Variants in CTNNA3 observed in about 807,000 individuals in gnomAD.
The protein encoded by CTNNA3 is catenin alpha 3.
CTNNA3 carries 76 observed loss-of-function variants against 95.7 expected under a neutral mutation model. That is an observed-to-expected ratio of 0.79 (90% confidence interval 0.66 to 0.96). The LOEUF (loss-of-function observed/expected upper bound fraction) is 0.96, where lower values mean the gene tolerates loss of function less well. Ranked by LOEUF, CTNNA3 falls within the 40% of genes least tolerant of loss-of-function variation. The pLI is 0.00. For missense variants in CTNNA3, 1,191 were observed against 1,089.8 expected, an observed-to-expected ratio of 1.09 and a Z score of -1.31; for synonymous variants, 431 against 374.4, an observed-to-expected ratio of 1.15 and a Z score of -1.74.
intron 3 of CTNNA3, among the ~76,000 whole-genome samples, chr10:67,598,140 T>A (rs1020835889): frequency 2.0e-5 from 3 of 151,738 alleles, no homozygotes; most frequent in African/African-American, 7.3e-5. Context: ...CCTAGAGGAG[T>A]ATGGCAAGCC....
At chr10:66,470,549 G>A (rs1449882553) in intron 11 of CTNNA3, among the ~76,000 whole-genome samples, 1 of 151,944 alleles carries the variant, frequency 6.6e-6, no homozygotes, top group Non-Finnish European at 1.5e-5. Flanking sequence ...GCATTCTAAA[G>A]CAGTTATAAA....
rs768330893 is a variant in CTNNA3 at position 65,920,415 on chromosome 10, C to T, written c.2603G>A (p.Cys868Tyr). 1 of 1,614,184 alleles carries T rather than the reference C, an allele frequency of 6.2e-7. No homozygotes were observed. Among genetic ancestry groups the T allele is most frequent in the Non-Finnish European group, 8.5e-7 (1 of 1,180,014 alleles). Residue 868 changes from cysteine (C) to tyrosine (Y), a missense_variant, in exon 18 of 18, where the codon TGT becomes TAT. Coordinates refer to ENST00000433211, the MANE Select transcript of CTNNA3 (RefSeq NM_013266.4). Reference sequence around the variant, plus strand: ...TGCTGAGCCTCGTCTGACAGCTGCACACGTTTCCTCTGGCTTCTCTCTTTT... The same window carrying T: ...TGCTGAGCCTCGTCTGACAGCTGCATACGTTTCCTCTGGCTTCTCTCTTTT... Reference protein sequence around the residue: ...LIKREKPEETCAAVRRGSAKK... With the variant: ...LIKREKPEETYAAVRRGSAKK...
chr10:66,693,681 C>T (rs1466294807), intron 9 of CTNNA3, among the ~76,000 whole-genome samples: 3 of 152,032 alleles, frequency 2.0e-5, no homozygotes, highest in Non-Finnish European at 4.4e-5. Flanking sequence ...CCACACCACA[C>T]CTATTCCAAA....
intron 5 of CTNNA3, among the ~76,000 whole-genome samples, chr10:67,387,895 CA>C (rs1036999563): frequency 2.0e-5 from 3 of 152,264 alleles, no homozygotes; most frequent in African/African-American, 7.2e-5. Context: ...ACACCCACAC[CA>C]AAAACCCATC....
chr10:66,379,386 G>C (rs771660886), intron 11 of CTNNA3, 34 bp from the exon 12 acceptor site: 23 of 1,532,442 alleles, frequency 1.5e-5, no homozygotes, highest in Non-Finnish European at 1.9e-5. Flanking sequence ...GTTTTTGCGT[G>C]TGTCTGTGTT....
intron 9 of CTNNA3, among the ~76,000 whole-genome samples, chr10:66,725,898 C>T (rs1848767087): frequency 6.6e-6 from 1 of 152,058 alleles, no homozygotes; most frequent in Non-Finnish European, 1.5e-5. Flanking sequence ...TGGCCTAATA[C>T]TAGAGATATC....
At chr10:66,487,950 G>A (rs148672796) in intron 11 of CTNNA3, among the ~76,000 whole-genome samples, 16 of 152,214 alleles carry the variant, frequency 1.1e-4, no homozygotes, top group East Asian at 3.9e-4. Context: ...GGTAAGTGCC[G>A]TAAACCAACC....
chr10:66,747,160 A>G (rs896626947), intron 9 of CTNNA3, among the ~76,000 whole-genome samples: 2 of 152,202 alleles, frequency 1.3e-5, no homozygotes, highest in African/African-American at 2.4e-5. Flanking sequence ...ACTTTATTTC[A>G]CTTAAATGTT....
intron 10 of CTNNA3, among the ~76,000 whole-genome samples, chr10:66,538,359 A>T (rs1841731328): frequency 6.6e-6 from 1 of 152,166 alleles, no homozygotes; most frequent in African/African-American, 2.4e-5. Flanking sequence ...GGACTCAGCA[A>T]AGGCAGACTT....
Position 67,370,739 on chromosome 10 carries a change from CTG to C in CTNNA3, c.580-150871_580-150870del, listed in dbSNP as rs142680026. ...ATATTTTCTGTGGATAAGGAGAACTCTGTATTTGTGTGTATATGTACATATAA... is the reference window on the plus strand; with the variant it reads ...ATATTTTCTGTGGATAAGGAGAACTCTATTTGTGTGTATATGTACATATAA... On this transcript the variant is annotated intron_variant, in intron 5 of 17. Transcript: ENST00000433211. 1.4e-3 allele frequency among the ~76,000 whole-genome samples: 206 copies of C among 152,144 alleles called. 4 individuals are homozygous for C. The East Asian group carries it at 0.037, about 27-fold the overall frequency.
rs932800217 is a variant in CTNNA3, at chr10:67,541,814, C to A, written c.293-2145G>T. Among the ~76,000 whole-genome samples, 6 of 152,158 alleles carry A rather than the reference C, an allele frequency of 3.9e-5. No individual in the cohort carries two copies. In the South Asian group the frequency reaches 1.2e-3, roughly 32 times the overall value. ...TGCTATGAGACTGTGAAAAGTTAAA[C>A]TGACTTCCAGAATTTAGAGAGCAGA... On this transcript the variant is annotated intron_variant, in intron 3 of 17. Coordinates refer to ENST00000433211, the MANE Select transcript of CTNNA3 (RefSeq NM_013266.4).
chr10:67,154,198 A>C (rs555176346), intron 7 of CTNNA3, among the ~76,000 whole-genome samples: 2 of 152,352 alleles, frequency 1.3e-5, no homozygotes, highest in Admixed American at 1.3e-4. Context: ...TAAGAGTAAA[A>C]TGTTAGCATG....
At chr10:67,210,670 G>T (rs1864103675) in intron 6 of CTNNA3, among the ~76,000 whole-genome samples, 1 of 151,648 alleles carries the variant, frequency 6.6e-6, no homozygotes, top group South Asian at 2.1e-4. Flanking sequence ...CTATTTGAAA[G>T]ATATGCGTCC....
chr10:66,325,606 T>C (rs2092244809), intron 12 of CTNNA3, among the ~76,000 whole-genome samples: 1 of 152,126 alleles, frequency 6.6e-6, no homozygotes, highest in Non-Finnish European at 1.5e-5. Flanking sequence ...CTGAGGAAGA[T>C]GCTCACCTGT....
chr10:66,036,667 C>G (rs7905743), intron 15 of CTNNA3, among the ~76,000 whole-genome samples: 1 of 152,058 alleles, frequency 6.6e-6, no homozygotes, highest in Admixed American at 6.5e-5. Context: ...TGAGCCACCA[C>G]GTCCAGCTTG....
At chr10:66,288,927 C>T (rs973158636) in intron 12 of CTNNA3, among the ~76,000 whole-genome samples, 3 of 152,168 alleles carry the variant, frequency 2.0e-5, no homozygotes, top group African/African-American at 7.2e-5. Context: ...TATTGGTCAA[C>T]ATGTATCTTC....
At chr10:67,065,180 G>GA (rs1160233510) in intron 7 of CTNNA3, among the ~76,000 whole-genome samples, 2 of 151,818 alleles carry the variant, frequency 1.3e-5, no homozygotes, top group Non-Finnish European at 2.9e-5. Flanking sequence ...TTTTTTCCTA[G>GA]AAAAAAAGGG....
intron 13 of CTNNA3, among the ~76,000 whole-genome samples, chr10:66,177,559 T>C (rs894301504): frequency 4.6e-5 from 7 of 152,048 alleles, no homozygotes; most frequent in Non-Finnish European, 5.9e-5. Context: ...ATTTTGTTAA[T>C]GATTTTTTAA....
Position 67,387,570 on chromosome 10 carries a change from G to A in CTNNA3, c.579+134272C>T, listed in dbSNP as rs543726311. Among the ~76,000 whole-genome samples, 1,498 of 152,312 alleles carry A rather than the reference G, an allele frequency of 9.8e-3. 11 individuals carry two copies. Among genetic ancestry groups the A allele is most frequent in the African/African-American group, 0.035 (1,439 of 41,574 alleles). On this transcript the variant is annotated intron_variant, in intron 5 of 17. Coordinates refer to ENST00000433211, the MANE Select transcript of CTNNA3 (RefSeq NM_013266.4). The stretch of plus-strand genomic sequence containing the variant: ...GGTGGAGCCCACCACAGCTCAAGGA[G>A]GCCTGCCTGCCTCTGTAGGCTCCAC...
Sources: gnomAD v4.1 joint callset for allele counts (sites outside exome capture counted in the v4.1 genomes callset) on GRCh38, gnomAD v4.1.1 for gene constraint, MANE v1.5 for transcripts, NCBI Gene and HGNC (gene_info 2026-07-23, HGNC 2026-07-21) for gene names.